The following FANCC variants were observed in gnomAD, a reference collection of about 807,000 sequenced individuals.
FANCC encodes the protein FA complementation group C.
FANCC carries 55 observed loss-of-function variants against 71.3 expected under a neutral mutation model. The ratio of observed to expected loss-of-function variants is 0.77; its 90% CI spans 0.62 to 0.97. FANCC has a LOEUF of 0.97. Ranked by LOEUF, FANCC falls within the 50% of genes least tolerant of loss-of-function variation. FANCC has a pLI of 0.00. For synonymous variants in FANCC, 275 were observed against 244.9 expected (o/e 1.12, Z -1.15); for missense variants, 678 against 670.9 (o/e 1.01, Z -0.12).
intron 8 of FANCC, among the ~76,000 whole-genome samples, chr9:95,130,299 TGAGAGAGA>T (rs3030652): frequency 4.0e-5 from 6 of 149,192 alleles, no homozygotes; most frequent in Non-Finnish European, 8.9e-5. Flanking sequence ...TGTGTGTGTG[TGAGAGAGA>T]GAGAGAGAGA....
intron 3 of FANCC, among the ~76,000 whole-genome samples, chr9:95,244,906 G>A (rs1472197801): frequency 1.3e-5 from 2 of 151,786 alleles, no homozygotes; most frequent in African/African-American, 2.4e-5. Context: ...TAGGGAAAGC[G>A]ACTTATTGAC....
At chr9:95,267,885 G>T (rs1204583339) in intron 1 of FANCC, among the ~76,000 whole-genome samples, 1 of 152,184 alleles carries the variant, frequency 6.6e-6, no homozygotes, top group East Asian at 1.9e-4. Flanking sequence ...AAAACTCAGT[G>T]CACAAGATAC....
At chr9:95,269,689 A>C (rs1832607102) in intron 1 of FANCC, among the ~76,000 whole-genome samples, 1 of 152,176 alleles carries the variant, frequency 6.6e-6, no homozygotes, top group Non-Finnish European at 1.5e-5. Flanking sequence ...TCACTCGAAC[A>C]ATTCACATAC....
intron 4 of FANCC, among the ~76,000 whole-genome samples, chr9:95,178,268 T>C (rs779918124): frequency 6.6e-5 from 10 of 152,182 alleles, no homozygotes; most frequent in Non-Finnish European, 8.8e-5. Flanking sequence ...GAACAGACCT[T>C]ATCTGAATCC....
intron 13 of FANCC, chr9:95,110,958 C>CTGAT (rs1321793275): frequency 1.1e-5 from 15 of 1,393,012 alleles, no homozygotes; most frequent in Non-Finnish European, 1.4e-5. Flanking sequence ...TTAATATCAT[C>CTGAT]TGATTACTTT....
chr9:95,307,991 C>T (rs749783054), intron 1 of FANCC, among the ~76,000 whole-genome samples: 2 of 152,252 alleles, frequency 1.3e-5, no homozygotes, highest in Non-Finnish European at 2.9e-5. Context: ...GAGGGCCAAA[C>T]TCGCTTTTAT....
chr9:95,267,934 A>T (rs1000236781), intron 1 of FANCC, among the ~76,000 whole-genome samples: 2 of 152,212 alleles, frequency 1.3e-5, no homozygotes, highest in African/African-American at 4.8e-5. Context: ...TGTCTTGACA[A>T]AACACACTGC....
intron 6 of FANCC, among the ~76,000 whole-genome samples, chr9:95,163,481 A>G (rs1830871593): frequency 6.6e-6 from 1 of 152,220 alleles, no homozygotes; most frequent in Non-Finnish European, 1.5e-5. Flanking sequence ...TAAAAGAAAA[A>G]CCAAACGCCA....
intron 4 of FANCC, among the ~76,000 whole-genome samples, chr9:95,220,541 C>G (rs1829180502): frequency 6.6e-6 from 1 of 152,120 alleles, no homozygotes; most frequent in Admixed American, 6.5e-5. Context: ...TGCAGCCATA[C>G]AAAAGGATGT....
At position 95,302,259 on chromosome 9, in the gene FANCC, C is replaced by G. The variant is rs78295370; in HGVS notation, c.-79+15267G>C. On this transcript the variant is annotated intron_variant, in intron 1 of 14. Transcript: ENST00000289081. ...TGGACAGAAGGGGTCACTGGCCAAC[C>G]CTAGTTGCATTCTGGTAGAAAGAAA... Among the ~76,000 whole-genome samples the G allele has an allele frequency of 5.1e-4, 77 of 152,210 alleles. 2 individuals carry two copies. In the East Asian group the frequency reaches 0.012, roughly 24 times the overall value.
chr9:95,236,985 C>T (rs1830353144), intron 4 of FANCC, among the ~76,000 whole-genome samples: 1 of 152,164 alleles, frequency 6.6e-6, no homozygotes, highest in Non-Finnish European at 1.5e-5. Context: ...TACAGACTAT[C>T]TTCTATCTTG....
chr9:95,288,879 T>C (rs1833846015), intron 1 of FANCC, among the ~76,000 whole-genome samples: 1 of 151,996 alleles, frequency 6.6e-6, no homozygotes, highest in African/African-American at 2.4e-5. Flanking sequence ...AGGATCACTT[T>C]AGCCCAGGAG....
chr9:95,203,827 T>G (rs1827951774), intron 4 of FANCC, among the ~76,000 whole-genome samples: 1 of 152,216 alleles, frequency 6.6e-6, no homozygotes, highest in Non-Finnish European at 1.5e-5. Flanking sequence ...TGTTCTCCTA[T>G]CTGTTGCGGC....
chr9:95,250,170 C>T (rs866802527), intron 1 of FANCC, among the ~76,000 whole-genome samples: 16 of 152,302 alleles, frequency 1.1e-4, no homozygotes, highest in Non-Finnish European at 1.0e-4. Context: ...TCCCATCCCA[C>T]AACCCTTCAT....
intron 13 of FANCC, among the ~76,000 whole-genome samples, chr9:95,108,548 A>G (rs1431942369): frequency 6.6e-6 from 1 of 152,230 alleles, no homozygotes; most frequent in African/African-American, 2.4e-5. Flanking sequence ...GAGGCCGTCC[A>G]TGCTCATGGG....
intron 1 of FANCC, chr9:95,292,759 CT>C: frequency 6.9e-7 from 1 of 1,452,300 alleles, no homozygotes. Flanking sequence ...CCCAGAGGCC[CT>C]GACAGACCAT....
At chr9:95,133,053 C>T (rs577763498) in intron 8 of FANCC, among the ~76,000 whole-genome samples, 1 of 152,358 alleles carries the variant, frequency 6.6e-6, no homozygotes, top group Admixed American at 6.5e-5. Flanking sequence ...CTATCTGAGT[C>T]TTAGAGATCT....
intron 1 of FANCC, chr9:95,293,620 C>T: frequency 6.2e-7 from 1 of 1,614,228 alleles, no homozygotes; most frequent in Non-Finnish European, 8.5e-7. Flanking sequence ...TTTATACCTT[C>T]TGCACAGTGG....
At chr9:95,173,006 G>A (rs529885163) in intron 4 of FANCC, among the ~76,000 whole-genome samples, 2 of 152,154 alleles carry the variant, frequency 1.3e-5, no homozygotes, top group South Asian at 4.2e-4. Context: ...CAAAATATAC[G>A]ACAAACACTA....
Sources: allele counts gnomAD v4.1 joint callset (sites outside exome capture counted in the v4.1 genomes callset), GRCh38; gene constraint gnomAD v4.1.1; transcripts MANE v1.5; gene names NCBI Gene and HGNC (gene_info 2026-07-23, HGNC 2026-07-21).